Variants in ERBB2 observed in about 807,000 individuals in gnomAD.
The protein encoded by ERBB2 is erb-b2 receptor tyrosine kinase 2.
In ERBB2, 61 loss-of-function variants were observed where a neutral mutation model predicts 149.0. That is an observed-to-expected ratio of 0.41 (90% CI 0.33 to 0.51). The LOEUF (loss-of-function observed/expected upper bound fraction) is 0.51. ERBB2 is among the 20% of genes least tolerant of loss of function. The pLI is 0.25. For missense variants in ERBB2, 1,205 were observed against 1,655.1 expected, an observed-to-expected ratio of 0.73 and a Z score of 4.72; for synonymous variants, 633 against 678.8, an observed-to-expected ratio of 0.93 and a Z score of 1.05.
rs1457127715 is a variant in ERBB2 at position 39,715,810 on chromosome 17, G to T, written c.1384G>T (p.Gly462Cys). The T allele has an allele frequency of 6.2e-7, 1 of 1,610,938 alleles. No homozygotes were observed. Reference protein sequence around the residue: ...WLGLRSLRELGSGLALIHHNT... With the variant: ...WLGLRSLRELCSGLALIHHNT... ...GGGGCTGCGCTCACTGAGGGAACTG[G>T]GCAGTGGACTGGCCCTCATCCACCA... The change falls in exon 12 of 27, where the codon GGC becomes TGC. Residue 462 changes from glycine (G) to cysteine (C), a missense_variant. Physicochemically the swap from Gly to Cys is radical, Grantham distance 159. Around this residue, in one of 6 missense-constraint regions of ERBB2, gnomAD observed 569 missense variants for 803.5 expected, o/e 0.71. Coordinates refer to ENST00000269571, the MANE Select transcript of ERBB2 (RefSeq NM_004448.4).
In ERBB2 at chr17:39,723,386, G is replaced by A. The variant is rs2145804533; in HGVS notation, c.2014G>A (p.Gly672Arg). 1 of 1,614,128 alleles carries A rather than the reference G, an allele frequency of 6.2e-7. No homozygotes were observed. ...LLVVVLGVVF[G>R]ILIKRRQQKI... ...GGTCGTGGTCTTGGGGGTGGTCTTT[G>A]GGATCCTCATCAAGCGACGGCAGCA... Residue 672 changes from glycine to arginine, a missense_variant, in exon 17 of 27, where the codon GGG becomes AGG. Around this residue, in one of 6 missense-constraint regions of ERBB2, gnomAD observed 569 missense variants for 803.5 expected, o/e 0.71. Coordinates refer to ENST00000269571, the MANE Select transcript of ERBB2 (RefSeq NM_004448.4). This position sits in a 1 kb window ranked among gnomAD's most constrained non-coding sequence, Gnocchi z 6.2.
rs1029745309 is a variant in ERBB2 at position 39,715,518 on chromosome 17, G to A, written c.1295G>A (p.Arg432Gln). 4.3e-6 allele frequency: 7 copies of A among 1,614,150 alleles called. No homozygotes were observed. Among genetic ancestry groups the A allele is most frequent in the Non-Finnish European group, 4.2e-6 (5 of 1,179,996 alleles). ...GTCTTCCAGAACCTGCAAGTAATCCGGGGACGAATTCTGCACAAGTGAGCA... is the reference window on the plus strand; with the variant it reads ...GTCTTCCAGAACCTGCAAGTAATCCAGGGACGAATTCTGCACAAGTGAGCA... ...LSVFQNLQVIRGRILHNGAYS... is the reference protein window; with the variant it reads ...LSVFQNLQVIQGRILHNGAYS... Residue 432 changes from arginine to glutamine, a missense_variant, in exon 11 of 27, where the codon CGG (arginine) becomes CAG (glutamine). Arg to Gln is a conservative substitution (Grantham distance 43). Transcript: ENST00000269571.
At chr17:39,706,452 C>T (rs1271844673) in intron 1 of ERBB2, among the ~76,000 whole-genome samples, 1 of 152,340 alleles carries the variant, frequency 6.6e-6, no homozygotes, top group Non-Finnish European at 1.5e-5. Flanking sequence ...TCAGCTGCAA[C>T]TCCAGCTGAC....
chr17:39,701,454 G>C (rs770598789), intron 1 of ERBB2, among the ~76,000 whole-genome samples: 2 of 152,060 alleles, frequency 1.3e-5, no homozygotes, highest in African/African-American at 2.4e-5. Flanking sequence ...GAGCAATGAG[G>C]GACACTGCTC....
At position 39,728,656 on chromosome 17, in the gene ERBB2, A is replaced by G. The variant is rs2059905320; in HGVS notation, c.*612A>G. 1 of 232,362 alleles carries G rather than the reference A, an allele frequency of 4.3e-6. No homozygotes were observed. The highest frequency in any genetic ancestry group is 5.6e-5 in the Admixed American group (1 of 17,736). 14.4% of individuals were successfully genotyped at this position (232,362 alleles called of 1,614,324 possible). The stretch of plus-strand genomic sequence containing the variant: ...TCCATTTGCAAATATATTTTGGAAA[A>G]CAGCTAGGCACCGGCCTATGTCTGG... On this transcript the variant is annotated 3_prime_UTR_variant, in exon 27 of 27. Coordinates refer to ENST00000269571, the MANE Select transcript of ERBB2 (RefSeq NM_004448.4).
At chr17:39,700,063 T>A, upstream of ERBB2, 2 of 1,264,670 alleles carry the variant, frequency 1.6e-6, no homozygotes, top group Non-Finnish European at 2.0e-6. Flanking sequence ...AAGCTGAGAT[T>A]CCCCTCCATT....
chr17:39,693,921 C>T (rs1364925394), upstream of ERBB2, among the ~76,000 whole-genome samples: 1 of 150,350 alleles, frequency 6.7e-6, no homozygotes, highest in African/African-American at 2.4e-5. Flanking sequence ...CACAGTGGCT[C>T]ATGCCCATAA....
upstream of ERBB2, among the ~76,000 whole-genome samples, chr17:39,690,618 C>A (rs1232972058): frequency 6.6e-6 from 1 of 152,098 alleles, no homozygotes; most frequent in Non-Finnish European, 1.5e-5. Context: ...CCAGCACAGC[C>A]CCAGATAACA....
In ERBB2 at chr17:39,724,721, C is replaced by T. The variant is rs2145846445; in HGVS notation, c.2308-5C>T. 3 of 1,613,792 alleles carry T rather than the reference C, an allele frequency of 1.9e-6. No homozygotes were observed. Among genetic ancestry groups the T allele is most frequent in the Non-Finnish European group, 2.5e-6 (3 of 1,179,790 alleles). ...CATACCCTCTCAGCGTACCCTTGTC[C>T]CCAGGAAGCATACGTGATGGCTGGT... is the stretch of plus-strand genomic sequence containing the variant. On this transcript the variant is annotated splice_region_variant and splice_polypyrimidine_tract_variant and intron_variant, in intron 19 of 26. Coordinates refer to ENST00000269571, the MANE Select transcript of ERBB2 (RefSeq NM_004448.4).
exon 1 of ERBB2, chr17:39,688,176 G>T: frequency 1.7e-6 from 1 of 584,974 alleles, no homozygotes; most frequent in South Asian, 5.4e-5. Flanking sequence ...CCCGCCCCTC[G>T]TCCCCCTGCT....
chr17:39,694,259 ATATATATATGTGTG>A (rs1567888099), upstream of ERBB2, among the ~76,000 whole-genome samples: 1 of 28,280 alleles, frequency 3.5e-5, no homozygotes, highest in African/African-American at 1.0e-4. Flanking sequence ...ATATATATAT[ATATATATATGTGTG>A]TATATATATA....
rs2059740503 is a variant in ERBB2, at chr17:39,726,073, C to T, written c.2872+220C>T. ...ATTAAGCTGGGCACAGTGGCTCATG[C>T]CTGTAATCCCAGTACTTTTGGAGGC... On this transcript the variant is annotated intron_variant, in intron 23 of 26. Transcript: ENST00000269571. The surrounding 1 kb of genome is among the most constrained non-coding windows in gnomAD (Gnocchi z 5.1). The T allele has an allele frequency of 1.9e-6, 1 of 533,662 alleles. No homozygotes were observed. The highest frequency in any genetic ancestry group is 3.3e-6 in the Non-Finnish European group (1 of 305,596). The allele number at this position is 533,662 out of a possible 1,614,324, so 33.1% of individuals were successfully genotyped here.
intron 1 of ERBB2, among the ~76,000 whole-genome samples, chr17:39,701,573 G>C (rs1473258529): frequency 6.6e-6 from 1 of 152,140 alleles, no homozygotes; most frequent in Non-Finnish European, 1.5e-5. Context: ...TCGTGGCTGT[G>C]TGTTGCCCGA....
intron 19 of ERBB2, 125 bp from the exon 20 acceptor site, chr17:39,724,601 C>T (rs2145840604): frequency 1.2e-6 from 1 of 812,004 alleles, no homozygotes; most frequent in South Asian, 1.6e-5. Context: ...ACCATGTTGT[C>T]CAGGCTGGTA....
upstream of ERBB2, among the ~76,000 whole-genome samples, chr17:39,691,574 T>TATATATATATATACACAC (rs1244087250): frequency 2.5e-5 from 3 of 122,048 alleles, no homozygotes; most frequent in African/African-American, 1.2e-4. Context: ...TATATATATA[T>TATATATATATATACACAC]ACACACACAC....
rs71149796 is a variant in ERBB2, at chr17:39,724,272, A to ATTTTTTTTTTTTTTTTTTT, written c.2307+278_2307+279insTTTTTTTTTTTTTTTTTTT. Among the ~76,000 whole-genome samples the ATTTTTTTTTTTTTTTTTTT allele has an allele frequency of 1.6e-3, 124 of 76,988 alleles. 28 individuals carry two copies. Among genetic ancestry groups the ATTTTTTTTTTTTTTTTTTT allele is most frequent in the Middle Eastern group, 8.8e-3 (1 of 114 alleles). 50.5% of individuals were successfully genotyped at this position (76,988 alleles called of 152,430 possible). A position where few individuals can be genotyped will look rare whatever the true frequency, so the allele number is the denominator to read the frequency against. ...TAGCTGGGATTACAAGCGCCCGCTA[A>ATTTTTTTTTTTTTTTTTTT]TTTTTTTTTTTTTTTTGAGACAGAG... On this transcript the variant is annotated intron_variant, in intron 19 of 26. Coordinates refer to ENST00000269571, the MANE Select transcript of ERBB2 (RefSeq NM_004448.4).
upstream of ERBB2, among the ~76,000 whole-genome samples, chr17:39,690,431 A>G (rs768790220): frequency 2.0e-5 from 3 of 152,174 alleles, no homozygotes; most frequent in South Asian, 2.1e-4. Context: ...AGAACTAACA[A>G]TGGAAATTTG....
At chr17:39,711,612 G>A (rs1435402098) in intron 7 of ERBB2, among the ~76,000 whole-genome samples, 1 of 152,210 alleles carries the variant, frequency 6.6e-6, no homozygotes, top group African/African-American at 2.4e-5. Flanking sequence ...GATCCTGGCT[G>A]ACTGTGTTAG....
At position 39,727,385 on chromosome 17, in the gene ERBB2, G is replaced by A. The variant is rs200796676; in HGVS notation, c.3250G>A (p.Asp1084Asn). The change falls in exon 26 of 27, where the codon GAT becomes AAT. Residue 1084 changes from aspartate to asparagine, a missense_variant. Coordinates refer to ENST00000269571, the MANE Select transcript of ERBB2 (RefSeq NM_004448.4). This position sits in a 1 kb window ranked among gnomAD's most constrained non-coding sequence, Gnocchi z 4.3. ...GGCACCCTCCGAAGGGGCTGGCTCC[G>A]ATGTATTTGATGGTGACCTGGGAAT... ...PLAPSEGAGSDVFDGDLGMGA... is the reference protein window; with the variant it reads ...PLAPSEGAGSNVFDGDLGMGA... 4.3e-6 allele frequency: 7 copies of A among 1,610,298 alleles called. No individual in the cohort carries two copies. Among genetic ancestry groups the A allele is most frequent in the Admixed American group, 1.7e-5 (1 of 58,650 alleles).
Sources: gnomAD v4.1 joint callset for allele counts (sites outside exome capture counted in the v4.1 genomes callset) on GRCh38, gnomAD v4.1.1 for gene constraint, gnomAD v4.1.1 regional missense constraint, Gnocchi (gnomAD v3.1) non-coding constraint, MANE v1.5 for transcripts, NCBI Gene and HGNC (gene_info 2026-07-23, HGNC 2026-07-21) for gene names.